Variants in JPH3 observed in about 807,000 individuals in gnomAD.
The protein encoded by JPH3 is junctophilin-3.
A neutral mutation model predicts 59.6 loss-of-function variants in JPH3; 11 were observed. The observed-to-expected ratio is 0.18, with a 90% confidence interval of 0.12 to 0.31. JPH3 has a LOEUF of 0.31. Among genes scored for constraint, JPH3 ranks in the 10% least tolerant of loss-of-function variants. The pLI, the probability that JPH3 is intolerant of heterozygous loss-of-function variation, is 1.00. For synonymous variants in JPH3, 673 were observed against 483.6 expected (o/e 1.39, Z -5.14); for missense variants, 1,202 against 1,105.7 (o/e 1.09, Z -1.24).
At chr16:87,655,861 G>A (rs536391461) in intron 2 of JPH3, among the ~76,000 whole-genome samples, 6 of 152,220 alleles carry the variant, frequency 3.9e-5, no homozygotes, top group Non-Finnish European at 8.8e-5. Flanking sequence ...CGACAGTGCT[G>A]ACTGTGAGCC....
At chr16:87,693,495 G>A (rs1320802985) in intron 4 of JPH3, 4 of 152,314 alleles carry the variant, frequency 2.6e-5, no homozygotes, top group Admixed American at 6.5e-5. Context: ...CCACCAGGGT[G>A]AAATCCTGTC....
chr16:87,659,124 A>G (rs1031194721), intron 2 of JPH3, among the ~76,000 whole-genome samples: 2 of 152,098 alleles, frequency 1.3e-5, no homozygotes, highest in African/African-American at 4.8e-5. Flanking sequence ...TTGTAATCTC[A>G]GCCCTTTGGG....
Position 87,604,477 on chromosome 16 carries a change from C to G in JPH3, c.382+949C>G, listed in dbSNP as rs1265507939. On this transcript the variant is annotated intron_variant, in intron 1 of 4. Coordinates refer to ENST00000284262, the MANE Select transcript of JPH3 (RefSeq NM_020655.4). ...ACCCCAAACAAACTGGCTTCCCCGA[C>G]CAGTCCACTCCCATGTGGGAGCTTA... 5.2e-6 allele frequency: 7 copies of G among 1,346,742 alleles called. 1 individual carries two copies. Among genetic ancestry groups the G allele is most frequent in the African/African-American group, 4.4e-5 (3 of 68,306 alleles). The allele number at this position is 1,346,742 out of a possible 1,614,324, so 83.4% of individuals were successfully genotyped here.
intron 2 of JPH3, among the ~76,000 whole-genome samples, chr16:87,681,437 G>A (rs1479613493): frequency 8.9e-6 from 1 of 111,762 alleles, no homozygotes. Flanking sequence ...GCGCGCGGTG[G>A]TGACAGTGCC....
At chr16:87,661,785 G>A (rs1197883896) in intron 2 of JPH3, among the ~76,000 whole-genome samples, 1 of 152,336 alleles carries the variant, frequency 6.6e-6, no homozygotes, top group East Asian at 1.9e-4. Context: ...ACTTAGAAGG[G>A]GAACATACAA....
At chr16:87,647,036 C>G (rs1346160993) in intron 2 of JPH3, among the ~76,000 whole-genome samples, 1 of 152,150 alleles carries the variant, frequency 6.6e-6, no homozygotes, top group Non-Finnish European at 1.5e-5. Context: ...AGGTTGTCAG[C>G]CTCTCTGGAC....
intron 1 of JPH3, among the ~76,000 whole-genome samples, chr16:87,617,170 C>T (rs542482293): frequency 1.3e-5 from 2 of 152,258 alleles, no homozygotes; most frequent in South Asian, 4.2e-4. Flanking sequence ...TTGCAGTGAG[C>T]CGAGATTGCG....
chr16:87,647,731 T>C (rs1174815936), intron 2 of JPH3, among the ~76,000 whole-genome samples: 1 of 152,204 alleles, frequency 6.6e-6, no homozygotes. Flanking sequence ...CTCACCGCTG[T>C]GCACAGCCAG....
At position 87,616,215 on chromosome 16, in the gene JPH3, TG is replaced by T. The variant is rs1567583283; in HGVS notation, c.382+12688del. On this transcript the variant is annotated intron_variant, in intron 1 of 4. Transcript: ENST00000284262. ...TTGTGTGTGTGTGTGTGTGTGTGTG[TG>T]TGTGTGTGTGTGTGTGTGTGTATTT... 6.7e-3 allele frequency among the ~76,000 whole-genome samples: 990 copies of T among 147,486 alleles called. 13 individuals are homozygous for T. The highest frequency in any genetic ancestry group is 0.023 in the African/African-American group (930 of 40,150).
At chr16:87,637,555 G>T (rs961843571) in intron 1 of JPH3, among the ~76,000 whole-genome samples, 1 of 152,152 alleles carries the variant, frequency 6.6e-6, no homozygotes, top group African/African-American at 2.4e-5. Context: ...ACCCAGTCAC[G>T]TGCTGCGCTG....
intron 1 of JPH3, among the ~76,000 whole-genome samples, chr16:87,616,105 C>T (rs551177373): frequency 6.6e-6 from 1 of 152,008 alleles, no homozygotes; most frequent in Admixed American, 6.5e-5. Context: ...AGCTTCCAGG[C>T]CCCAGGGTTG....
At chr16:87,693,194 C>G (rs2033653504) in intron 4 of JPH3, among the ~76,000 whole-genome samples, 1 of 152,226 alleles carries the variant, frequency 6.6e-6, no homozygotes, top group South Asian at 2.1e-4. Flanking sequence ...TCCATCTGCG[C>G]CTCAGGTCCC....
chr16:87,638,401 G>C (rs1045615495), intron 1 of JPH3, among the ~76,000 whole-genome samples: 1 of 152,162 alleles, frequency 6.6e-6, no homozygotes, highest in African/African-American at 2.4e-5. Flanking sequence ...GCACAGGGTG[G>C]GGGTGCTGTT....
intron 2 of JPH3, 146 bp from the exon 3 acceptor site, chr16:87,683,996 A>C: frequency 1.6e-6 from 1 of 624,424 alleles, no homozygotes; most frequent in South Asian, 2.0e-5. Context: ...TGAACGAACA[A>C]GATCCAGAAG....
intron 2 of JPH3, among the ~76,000 whole-genome samples, chr16:87,678,953 G>A (rs1413522816): frequency 6.6e-6 from 1 of 152,116 alleles, no homozygotes; most frequent in African/African-American, 2.4e-5. Context: ...TTTGGACTCC[G>A]GGACTGCAGG....
intron 2 of JPH3, among the ~76,000 whole-genome samples, chr16:87,647,131 G>C (rs2032179070): frequency 6.6e-6 from 1 of 152,108 alleles, no homozygotes; most frequent in African/African-American, 2.4e-5. Flanking sequence ...CTGGGGTTTT[G>C]GGGGGCCCAG....
chr16:87,654,445 G>C (rs560990809), intron 2 of JPH3: 1 of 152,342 alleles, frequency 6.6e-6, no homozygotes, highest in Admixed American at 6.5e-5. Flanking sequence ...GGGAAGGAGA[G>C]GAACTTCCTA....
chr16:87,647,618 A>G (rs2032195404), intron 2 of JPH3, among the ~76,000 whole-genome samples: 1 of 152,120 alleles, frequency 6.6e-6, no homozygotes, highest in Non-Finnish European at 1.5e-5. Context: ...CCGCATGCGC[A>G]CAACTGGGGT....
chr16:87,605,993 C>T (rs994154588), intron 1 of JPH3, among the ~76,000 whole-genome samples: 1 of 152,186 alleles, frequency 6.6e-6, no homozygotes, highest in Non-Finnish European at 1.5e-5. Flanking sequence ...CTTGAGGACT[C>T]GGGCCTGGAC....
Sources: gnomAD v4.1 joint callset for allele counts (sites outside exome capture counted in the v4.1 genomes callset) on GRCh38, gnomAD v4.1.1 for gene constraint, MANE v1.5 for transcripts, NCBI Gene and HGNC (gene_info 2026-07-23, HGNC 2026-07-21) for gene names.